FNDC1: variants seen among roughly 807,000 people sequenced by gnomAD.
The protein encoded by FNDC1 is fibronectin type III domain-containing protein 1.
Under a neutral mutation model 168.0 loss-of-function variants are expected in FNDC1, and 96 were observed. The ratio of observed to expected loss-of-function variants is 0.57; its 90% CI spans 0.48 to 0.68. The LOEUF is 0.68. Ranked by LOEUF, FNDC1 falls within the 30% of genes least tolerant of loss-of-function variation. The pLI is 0.00. For missense variants in FNDC1, 2,587 were observed against 2,482.1 expected (o/e 1.04, Z -0.90); for synonymous variants, 1,099 against 1,025.9 (o/e 1.07, Z -1.36).
At chr6:159,237,644 C>A (rs1349052661) in intron 12 of FNDC1, among the ~76,000 whole-genome samples, 1 of 152,176 alleles carries the variant, frequency 6.6e-6, no homozygotes, top group Admixed American at 6.5e-5. Context: ...AATATGCTAG[C>A]AATTCACATT....
chr6:159,262,794 C>T (rs755389897), intron 19 of FNDC1, among the ~76,000 whole-genome samples: 1 of 152,296 alleles, frequency 6.6e-6, no homozygotes, highest in African/African-American at 2.4e-5. Flanking sequence ...AAATTCAAGG[C>T]CCCACCCTAC....
At chr6:159,262,130 A>G (rs531834323) in intron 19 of FNDC1, among the ~76,000 whole-genome samples, 2 of 152,226 alleles carry the variant, frequency 1.3e-5, no homozygotes, top group East Asian at 3.9e-4. Flanking sequence ...CCTATGACCT[A>G]TGGTCTAATG....
chr6:159,178,130 A>G (rs1260415919), intron 1 of FNDC1, among the ~76,000 whole-genome samples: 1 of 152,138 alleles, frequency 6.6e-6, no homozygotes, highest in East Asian at 1.9e-4. Flanking sequence ...GACTACAAAA[A>G]TTACAAGCCT....
In FNDC1 at chr6:159,191,577, A is replaced by G. The variant is rs186965959; in HGVS notation, c.110-5854A>G. On this transcript the variant is annotated intron_variant, in intron 1 of 22. Transcript: ENST00000297267. ...GCTGTGTATTTTAACTTCATTATCT[A>G]CAACGATTATGTGAGTGGTAAGCTC... 1.0e-3 allele frequency among the ~76,000 whole-genome samples: 157 copies of G among 152,342 alleles called. 1 individual carries two copies. Among genetic ancestry groups the G allele is most frequent in the African/African-American group, 2.7e-3 (111 of 41,576 alleles).
chr6:159,232,926 C>T lies in FNDC1; in HGVS notation c.2414C>T (p.Ala805Val). Residue 805 changes from alanine to valine, a missense_variant, in exon 11 of 23, where the codon GCC becomes GTC. Physicochemically the swap from Ala to Val is moderately conservative, Grantham distance 64 (BLOSUM62 0). Coordinates refer to ENST00000297267, the MANE Select transcript of FNDC1 (RefSeq NM_032532.3). This position sits in a 1 kb window ranked among gnomAD's most constrained non-coding sequence, Gnocchi z 4.9. ...EDGGRQAEAT[A>V]QTLRARPASG... ...GGCGGAAGGCAGGCGGAGGCCACGGCCCAGACGCTGCGGGCCCGGCCTGCC... is the reference window on the plus strand; with the variant it reads ...GGCGGAAGGCAGGCGGAGGCCACGGTCCAGACGCTGCGGGCCCGGCCTGCC... 6.2e-7 allele frequency: 1 copy of T among 1,611,266 alleles called. No individual in the cohort carries two copies. Among genetic ancestry groups the T allele is most frequent in the Non-Finnish European group, 8.5e-7 (1 of 1,179,598 alleles).
At chr6:159,179,458 C>CAAACAA (rs894160669) in intron 1 of FNDC1, among the ~76,000 whole-genome samples, 5 of 152,126 alleles carry the variant, frequency 3.3e-5, no homozygotes, top group Non-Finnish European at 5.9e-5. Flanking sequence ...GACTCTGTCT[C>CAAACAA]AAACAAAAAC....
intron 1 of FNDC1, among the ~76,000 whole-genome samples, chr6:159,190,218 C>G (rs1481950990): frequency 6.6e-6 from 1 of 152,166 alleles, no homozygotes; most frequent in East Asian, 1.9e-4. Flanking sequence ...CAGGGACAAC[C>G]AGCTGGGGAT....
chr6:159,219,416 C>G (rs1782775022), intron 5 of FNDC1, among the ~76,000 whole-genome samples: 1 of 152,166 alleles, frequency 6.6e-6, no homozygotes, highest in South Asian at 2.1e-4. Flanking sequence ...CATCATATCT[C>G]TATGAGGAAG....
chr6:159,241,595 G>T (rs1229213552), intron 14 of FNDC1, among the ~76,000 whole-genome samples: 1 of 152,166 alleles, frequency 6.6e-6, no homozygotes, highest in Non-Finnish European at 1.5e-5. Context: ...GTTAAATGTG[G>T]GGACAGTAAC....
chr6:159,219,019 G>A (rs1265430090), intron 5 of FNDC1, among the ~76,000 whole-genome samples: 1 of 149,930 alleles, frequency 6.7e-6, no homozygotes, highest in East Asian at 2.0e-4. Flanking sequence ...TGATGTGGGG[G>A]CCATTTTGGG....
rs543283297 is a variant in FNDC1 at position 159,265,914 on chromosome 6, C to T, written c.5285-170C>T. Among the ~76,000 whole-genome samples the T allele has an allele frequency of 4.0e-5, 6 of 151,310 alleles. No individual in the cohort carries two copies. The South Asian group carries it at 6.3e-4, about 16-fold the overall frequency. On this transcript the variant is annotated intron_variant, in intron 20 of 22. Transcript: ENST00000297267. ...CTGCACTCCAGCCTGGGTGACAGAG[C>T]GAGACTCCATCAAAAACAAACAAAC...
At chr6:159,246,834 G>A in intron 14 of FNDC1, 67 bp from the exon 15 acceptor site, 4 of 1,108,240 alleles carry the variant, frequency 3.6e-6, no homozygotes, top group Non-Finnish European at 5.6e-6. Context: ...ACGCTCTGGG[G>A]CCTGCTTCTG....
intron 2 of FNDC1, 59 bp downstream of exon 2, chr6:159,197,684 T>C (rs1782279813): frequency 2.0e-6 from 3 of 1,473,552 alleles, no homozygotes; most frequent in Non-Finnish European, 2.8e-6. Flanking sequence ...ACATTCTCAG[T>C]TGCATTCTTA....
rs1783134195 is a variant in FNDC1, at chr6:159,233,014, G to A, written c.2502G>A (p.Arg834=). 3.1e-6 allele frequency: 5 copies of A among 1,612,676 alleles called. No individual in the cohort carries two copies. The highest frequency in any genetic ancestry group is 1.3e-5 in the African/African-American group (1 of 74,906). ...CTGCCAACGGGAGGTCTCCAAGCAG[G>A]TTCAGCATTGGGCGGGGACCTCGGC... The part of the protein sequence containing the change: ...PFAANGRSPS[R]FSIGRGPRLQ... Residue 834 remains arginine, a synonymous_variant, in exon 11 of 23, where the codon AGG becomes AGA. Transcript: ENST00000297267. The surrounding 1 kb of genome is among the most constrained non-coding windows in gnomAD (Gnocchi z 4.6).
Position 159,233,794 on chromosome 6 carries a change from C to A in FNDC1, c.3282C>A (p.Pro1094=), listed in dbSNP as rs1027595758. ...TCGAGGCCCAGGATGTGCGGGCCCC[C>A]GCGCACGCCGCGCGCGCCAAGGAGG... ...TEVEAQDVRA[P]AHAARAKEAA... Residue 1094 remains proline, a synonymous_variant, in exon 11 of 23, where the codon CCC becomes CCA. Coordinates refer to ENST00000297267, the MANE Select transcript of FNDC1 (RefSeq NM_032532.3). The surrounding 1 kb of genome is among the most constrained non-coding windows in gnomAD (Gnocchi z 4.6). The A allele has an allele frequency of 1.1e-5, 17 of 1,537,546 alleles. No individual in the cohort carries two copies. The African/African-American group carries it at 1.8e-4, about 16-fold the overall frequency.
chr6:159,259,020 A>T (rs1777427197), intron 18 of FNDC1, among the ~76,000 whole-genome samples: 2 of 152,222 alleles, frequency 1.3e-5, no homozygotes, highest in African/African-American at 2.4e-5. Context: ...CACCAGACAG[A>T]GTCCCAAAGA....
At chr6:159,217,111 A>C (rs1011765389) in intron 5 of FNDC1, among the ~76,000 whole-genome samples, 4 of 152,224 alleles carry the variant, frequency 2.6e-5, no homozygotes, top group Non-Finnish European at 4.4e-5. Context: ...GCACCTACTT[A>C]GTCTTAAAAG....
intron 18 of FNDC1, 65 bp from the exon 19 acceptor site, chr6:159,261,125 G>T: frequency 7.8e-7 from 1 of 1,279,520 alleles, no homozygotes. Context: ...TAGTTTGGGA[G>T]TCTGTTTTGT....
chr6:159,236,093 A>C, intron 11 of FNDC1, 122 bp from the exon 12 acceptor site: 1 of 629,736 alleles, frequency 1.6e-6, no homozygotes. Flanking sequence ...TATTGGTTTA[A>C]AATTCTGTTT....
Sources: gnomAD v4.1 joint callset for allele counts (sites outside exome capture counted in the v4.1 genomes callset) on GRCh38, gnomAD v4.1.1 for gene constraint, Gnocchi (gnomAD v3.1) non-coding constraint, MANE v1.5 for transcripts, NCBI Gene and HGNC (gene_info 2026-07-23, HGNC 2026-07-21) for gene names.